The following THSD7B variants were observed in gnomAD, a reference collection of about 807,000 sequenced individuals.
The protein encoded by THSD7B is thrombospondin type-1 domain-containing protein 7B.
A neutral mutation model predicts 213.6 loss-of-function variants in THSD7B; 138 were observed. The observed-to-expected ratio is 0.65, with a 90% CI of 0.56 to 0.74. The LOEUF (loss-of-function observed/expected upper bound fraction) is 0.74. Among genes scored for constraint, THSD7B ranks in the 30% least tolerant of loss-of-function variants. THSD7B has a pLI of 0.00. For missense variants in THSD7B, 1,931 were observed against 1,991.5 expected (o/e 0.97, Z 0.58); for synonymous variants, 742 against 687.0 (o/e 1.08, Z -1.25).
At chr2:137,065,955 A>G (rs1047230861) in intron 3 of THSD7B, among the ~76,000 whole-genome samples, 6 of 148,088 alleles carry the variant, frequency 4.1e-5, no homozygotes, top group Non-Finnish European at 8.9e-5. Flanking sequence ...CAATTTGCAT[A>G]TGAAAAATAA....
intron 7 of THSD7B, among the ~76,000 whole-genome samples, chr2:137,186,714 G>A: frequency 6.6e-6 from 1 of 152,138 alleles, no homozygotes; most frequent in East Asian, 1.9e-4. Context: ...GGTTCCAGAT[G>A]AATTTTAGAA....
chr2:137,402,267 T>C (rs1297889873), intron 12 of THSD7B, among the ~76,000 whole-genome samples: 2 of 152,156 alleles, frequency 1.3e-5, no homozygotes, highest in African/African-American at 4.8e-5. Flanking sequence ...AATTTTCAAT[T>C]ACTACCGTTT....
intron 20 of THSD7B, chr2:137,642,147 C>T (rs1356424279): frequency 3.3e-5 from 6 of 184,174 alleles, no homozygotes; most frequent in Non-Finnish European, 6.8e-5. Flanking sequence ...CTACAGGATG[C>T]CTTGATCATG....
At chr2:136,782,406 A>G (rs975125257) in intron 1 of THSD7B, among the ~76,000 whole-genome samples, 21 of 152,070 alleles carry the variant, frequency 1.4e-4, no homozygotes, top group African/African-American at 4.8e-4. Flanking sequence ...TTGTTTCACC[A>G]TCTCTTGTTT....
intron 1 of THSD7B, among the ~76,000 whole-genome samples, chr2:136,817,095 C>G (rs919267208): frequency 6.6e-6 from 1 of 152,116 alleles, no homozygotes; most frequent in East Asian, 1.9e-4. Flanking sequence ...TTACCTGAGC[C>G]GAAAAACAAT....
intron 3 of THSD7B, among the ~76,000 whole-genome samples, chr2:137,060,275 T>C (rs1026822323): frequency 3.9e-5 from 6 of 152,134 alleles, no homozygotes; most frequent in African/African-American, 1.4e-4. Context: ...CTTTATCAGA[T>C]ATGTGTTTTG....
chr2:137,275,599 A>G (rs527920254), intron 11 of THSD7B, among the ~76,000 whole-genome samples: 10 of 151,590 alleles, frequency 6.6e-5, no homozygotes, highest in Non-Finnish European at 1.3e-4. Context: ...GACCCTCCAG[A>G]CTGATCAGTG....
chr2:137,655,896 C>G (rs946473386), intron 22 of THSD7B, among the ~76,000 whole-genome samples: 7 of 152,138 alleles, frequency 4.6e-5, no homozygotes, highest in Admixed American at 6.5e-5. Flanking sequence ...AGAATCATGT[C>G]TCTATCACTT....
In THSD7B at chr2:137,091,640, C is replaced by T. The variant is rs188683082; in HGVS notation, c.951-3233C>T. 4.6e-5 allele frequency among the ~76,000 whole-genome samples: 7 copies of T among 152,086 alleles called. No homozygotes were observed. In the East Asian group the frequency reaches 9.7e-4, roughly 21 times the overall value. On this transcript the variant is annotated intron_variant, in intron 3 of 27. Coordinates refer to ENST00000409968, the MANE Select transcript of THSD7B (RefSeq NM_001316349.2). The stretch of plus-strand genomic sequence containing the variant: ...CTTGGCTTGTAGATGGCTGCCCTCC[C>T]GCTGTGTCTTCACATGGTCTTTCCT...
intron 15 of THSD7B, among the ~76,000 whole-genome samples, chr2:137,549,308 CTCTTTTTTTTTTTTTTT>C (rs1292409441): frequency 1.4e-4 from 14 of 100,180 alleles, no homozygotes; most frequent in African/African-American, 5.1e-4. Context: ...TTTTCAGATG[CTCTTTTTTTTTTTTTTT>C]TTTTTTTTTT....
At chr2:137,271,468 A>T (rs1379432309) in intron 10 of THSD7B, among the ~76,000 whole-genome samples, 1 of 129,176 alleles carries the variant, frequency 7.7e-6, no homozygotes, top group African/African-American at 2.9e-5. Flanking sequence ...ATATAATATA[A>T]TATATAATAT....
At chr2:137,507,683 C>A (rs1296586059) in intron 15 of THSD7B, among the ~76,000 whole-genome samples, 1 of 152,022 alleles carries the variant, frequency 6.6e-6, no homozygotes, top group Non-Finnish European at 1.5e-5. Flanking sequence ...TTTTCTGTTT[C>A]CTTTTTCTTC....
At chr2:137,363,465 G>C (rs1273763091) in intron 12 of THSD7B, among the ~76,000 whole-genome samples, 1 of 151,992 alleles carries the variant, frequency 6.6e-6, no homozygotes, top group African/African-American at 2.4e-5. Flanking sequence ...TTTTTGAAAA[G>C]ATCAACAAAA....
At chr2:137,462,004 T>C (rs1687894585) in intron 15 of THSD7B, among the ~76,000 whole-genome samples, 1 of 152,220 alleles carries the variant, frequency 6.6e-6, no homozygotes, top group Admixed American at 6.5e-5. Flanking sequence ...AATGAAATTA[T>C]ACATAGTAAT....
chr2:137,623,719 C>G lies in THSD7B; in HGVS notation c.3799+2993C>G, dbSNP rs569906345. 6.7e-3 allele frequency among the ~76,000 whole-genome samples: 1,013 copies of G among 152,282 alleles called. 6 individuals carry two copies. Among genetic ancestry groups the G allele is most frequent in the African/African-American group, 0.023 (959 of 41,536 alleles). ...CAGAGAGCCAAATCATGAGTGAACT[C>G]CCATTCACAATTGCTTCAAAGAGAA... On this transcript the variant is annotated intron_variant, in intron 20 of 27. Coordinates refer to ENST00000409968, the MANE Select transcript of THSD7B (RefSeq NM_001316349.2).
intron 12 of THSD7B, among the ~76,000 whole-genome samples, chr2:137,358,715 T>C (rs1357052542): frequency 6.6e-6 from 1 of 152,148 alleles, no homozygotes; most frequent in African/African-American, 2.4e-5. Context: ...TCTCTTGAGG[T>C]CAGATGCCAT....
intron 10 of THSD7B, among the ~76,000 whole-genome samples, chr2:137,265,455 C>T (rs1234375039): frequency 2.6e-5 from 4 of 152,168 alleles, no homozygotes; most frequent in Admixed American, 1.3e-4. Context: ...CCAGCCATCC[C>T]ATTACTGGGT....
At chr2:136,943,614 G>A (rs1475975082) in intron 2 of THSD7B, among the ~76,000 whole-genome samples, 1 of 152,148 alleles carries the variant, frequency 6.6e-6, no homozygotes, top group Non-Finnish European at 1.5e-5. Flanking sequence ...TCTTGGGAGG[G>A]TGTATGTGTT....
intron 2 of THSD7B, among the ~76,000 whole-genome samples, chr2:136,958,545 G>A (rs1215807237): frequency 6.6e-6 from 1 of 152,196 alleles, no homozygotes; most frequent in African/African-American, 2.4e-5. Context: ...TCACTTAAGG[G>A]ATATTGACCA....
Sources: allele counts gnomAD v4.1 joint callset (sites outside exome capture counted in the v4.1 genomes callset), GRCh38; gene constraint gnomAD v4.1.1; transcripts MANE v1.5; gene names NCBI Gene and HGNC (gene_info 2026-07-23, HGNC 2026-07-21).